Variants in PDE4D observed in about 807,000 individuals in gnomAD.
The protein encoded by PDE4D is phosphodiesterase 4D, also known as 3',5'-cyclic-AMP phosphodiesterase 4D.
PDE4D carries 24 observed loss-of-function variants against 87.4 expected under a neutral mutation model. The ratio of observed to expected loss-of-function variants is 0.27; its 90% CI spans 0.20 to 0.39. The LOEUF (loss-of-function observed/expected upper bound fraction) is 0.39, where lower values mean the gene tolerates loss of function less well. PDE4D is among the 10% of genes least tolerant of loss of function. The probability of loss-of-function intolerance (pLI) is 1.00; values close to 1 mark genes in which losing one functional copy is unlikely to be tolerated. For missense variants in PDE4D, 714 were observed against 1,041.0 expected, an observed-to-expected ratio of 0.69 and a Z score of 4.32; for synonymous variants, 384 against 383.2, an observed-to-expected ratio of 1.00 and a Z score of -0.02.
At chr5:59,358,727 G>T (rs1781774529) in intron 1 of PDE4D, among the ~76,000 whole-genome samples, 1 of 151,874 alleles carries the variant, frequency 6.6e-6, no homozygotes. Context: ...AGGTGGCTTG[G>T]TGTGAAAGGG....
chr5:60,338,546 A>ACTCAATATTTTCGGACACGGTTGACT (rs1758018979), intron 1 of PDE4D, among the ~76,000 whole-genome samples: 1 of 152,142 alleles, frequency 6.6e-6, no homozygotes, highest in African/African-American at 2.4e-5. Flanking sequence ...CAGAATGCAC[A>ACTCAATATTTTCGGACACGGTTGACT]GGGAGGTAAG....
intron 1 of PDE4D, among the ~76,000 whole-genome samples, chr5:59,742,679 G>A (rs1759036530): frequency 6.6e-6 from 1 of 152,140 alleles, no homozygotes; most frequent in African/African-American, 2.4e-5. Context: ...TTTAGCCCAA[G>A]AAACACACTT....
At chr5:60,037,103 G>A (rs1767895708) in intron 2 of PDE4D, among the ~76,000 whole-genome samples, 1 of 152,126 alleles carries the variant, frequency 6.6e-6, no homozygotes, top group South Asian at 2.1e-4. Flanking sequence ...ATACGCATAT[G>A]GTTTTTCATC....
At chr5:59,883,017 G>C (rs2152747333) in intron 1 of PDE4D, among the ~76,000 whole-genome samples, 1 of 152,236 alleles carries the variant, frequency 6.6e-6, no homozygotes, top group African/African-American at 2.4e-5. Context: ...GGCCTCAAGT[G>C]ATCTGCCCGT....
chr5:60,349,955 A>G (rs983218844), intron 1 of PDE4D, among the ~76,000 whole-genome samples: 5 of 152,184 alleles, frequency 3.3e-5, no homozygotes, highest in African/African-American at 1.2e-4. Flanking sequence ...AACAACATCA[A>G]TGAACAGATT....
intron 1 of PDE4D, among the ~76,000 whole-genome samples, chr5:60,503,171 G>C (rs1358482507): frequency 6.6e-6 from 1 of 152,102 alleles, no homozygotes; most frequent in Non-Finnish European, 1.5e-5. Flanking sequence ...AATAAAAATG[G>C]AAGAGAAAGA....
At chr5:59,403,917 C>T (rs1040344473) in intron 1 of PDE4D, among the ~76,000 whole-genome samples, 4 of 152,174 alleles carry the variant, frequency 2.6e-5, no homozygotes, top group African/African-American at 9.7e-5. Context: ...TACATTCCCA[C>T]CAAAAGTGTA....
At chr5:60,186,602 T>C (rs1051706058) in intron 1 of PDE4D, among the ~76,000 whole-genome samples, 18 of 152,106 alleles carry the variant, frequency 1.2e-4, no homozygotes, top group Admixed American at 3.9e-4. Flanking sequence ...CCACAAAAAC[T>C]CTGATATTGC....
intron 1 of PDE4D, among the ~76,000 whole-genome samples, chr5:59,724,470 T>C (rs1756302705): frequency 6.6e-6 from 1 of 152,030 alleles, no homozygotes; most frequent in African/African-American, 2.4e-5. Context: ...GTAATGGGCA[T>C]AGCACATGAT....
rs139251583 is a variant in PDE4D, at chr5:60,495,518, T to A, written n.70+26533A>T. Among the ~76,000 whole-genome samples, 369 of 152,288 alleles carry A rather than the reference T, an allele frequency of 2.4e-3. 1 individual carries two copies. Among genetic ancestry groups the A allele is most frequent in the African/African-American group, 8.6e-3 (359 of 41,560 alleles). On this transcript the variant is annotated intron_variant and non_coding_transcript_variant, in intron 1 of 2. Coordinates refer to the PDE4D transcript ENST00000506510. ...TGATCTATGGACCACTCCTTAAGAA[T>A]CATTGAGATAGTGCATGCAGACTAC...
At chr5:60,117,298 G>A (rs1319706636) in intron 2 of PDE4D, among the ~76,000 whole-genome samples, 1 of 151,268 alleles carries the variant, frequency 6.6e-6, no homozygotes, top group Non-Finnish European at 1.5e-5. Flanking sequence ...CTCCTATAAG[G>A]CCTACTGGCC....
In PDE4D at chr5:59,826,043, C is replaced by T. The variant is rs148877296; in HGVS notation, c.455+67125G>A. ...AGGGATGTCAAATTCTTGCCACTTG[C>T]CAGTTAAATCAATCAATTCCTCATG... On this transcript the variant is annotated intron_variant, in intron 1 of 14. Transcript: ENST00000340635. 3.1e-3 allele frequency among the ~76,000 whole-genome samples: 468 copies of T among 152,246 alleles called. 4 individuals carry two copies. The highest frequency in any genetic ancestry group is 0.011 in the African/African-American group (441 of 41,550).
At chr5:60,215,787 G>A (rs951835272) in intron 1 of PDE4D, among the ~76,000 whole-genome samples, 1 of 152,092 alleles carries the variant, frequency 6.6e-6, no homozygotes, top group African/African-American at 2.4e-5. Context: ...CCGTCCAGAT[G>A]ATTTGTACAC....
chr5:59,866,439 A>G (rs1474560152), intron 1 of PDE4D, among the ~76,000 whole-genome samples: 1 of 152,196 alleles, frequency 6.6e-6, no homozygotes, highest in Non-Finnish European at 1.5e-5. Flanking sequence ...TAAGGAAGGA[A>G]TTGCTTATTC....
At chr5:60,256,640 C>G (rs1389526494) in intron 1 of PDE4D, among the ~76,000 whole-genome samples, 4 of 151,738 alleles carry the variant, frequency 2.6e-5, no homozygotes, top group South Asian at 2.1e-4. Flanking sequence ...TTAGTCCTAC[C>G]TTAAGGAAAT....
At chr5:60,237,581 A>C (rs1156495068) in intron 1 of PDE4D, among the ~76,000 whole-genome samples, 4 of 152,058 alleles carry the variant, frequency 2.6e-5, no homozygotes, top group Non-Finnish European at 4.4e-5. Flanking sequence ...ATAGAGATGA[A>C]GAACATATTA....
intron 3 of PDE4D, among the ~76,000 whole-genome samples, chr5:59,934,585 G>T (rs1756354560): frequency 6.6e-6 from 1 of 152,204 alleles, no homozygotes; most frequent in African/African-American, 2.4e-5. Context: ...TCAGATAGTG[G>T]CAGATATTTG....
chr5:59,042,717 C>CTTCAAGGCACCTTTGAACTAT (rs1401972811), intron 5 of PDE4D, among the ~76,000 whole-genome samples: 17 of 152,194 alleles, frequency 1.1e-4, no homozygotes, highest in Non-Finnish European at 1.3e-4. Flanking sequence ...CATCAGTTTT[C>CTTCAAGGCACCTTTGAACTAT]TTCAAGGCAC....
intron 1 of PDE4D, among the ~76,000 whole-genome samples, chr5:60,459,053 T>C (rs919178923): frequency 1.4e-4 from 22 of 152,124 alleles, no homozygotes; most frequent in African/African-American, 5.3e-4. Context: ...CAAAGCAACT[T>C]GTACTTTTCA....
Sources: allele counts gnomAD v4.1 joint callset (sites outside exome capture counted in the v4.1 genomes callset), GRCh38; gene constraint gnomAD v4.1.1; transcripts MANE v1.5; gene names NCBI Gene and HGNC (gene_info 2026-07-23, HGNC 2026-07-21).